PRPF6: variants seen among roughly 807,000 people sequenced by gnomAD.
PRPF6 encodes pre-mRNA-processing factor 6.
Under a neutral mutation model 118.3 loss-of-function variants are expected in PRPF6, and 42 were observed. That is an observed-to-expected ratio of 0.35 (90% CI 0.28 to 0.46). PRPF6 has a LOEUF of 0.46. PRPF6 is among the 20% of genes least tolerant of loss of function. The pLI is 1.00. For synonymous variants in PRPF6, 481 were observed against 485.1 expected (o/e 0.99, Z 0.11); for missense variants, 662 against 1,255.7 (o/e 0.53, Z 7.15).
chr20:63,994,244 G>T (rs1343166415), intron 4 of PRPF6, among the ~76,000 whole-genome samples: 3 of 146,420 alleles, frequency 2.0e-5, no homozygotes, highest in Non-Finnish European at 3.0e-5. Context: ...CGCAACCTCC[G>T]CCTCCCAGGT....
At position 63,983,497 on chromosome 20, in the gene PRPF6, C is replaced by T. The variant is rs2059080263; in HGVS notation, c.240+282C>T. On this transcript the variant is annotated intron_variant, in intron 2 of 20. Transcript: ENST00000266079. ...TTTTTTTTTGAGACGGAATTTCGCTCTTGTCGGAAGAGATGTTCTTGCAGG... is the reference window on the plus strand; with the variant it reads ...TTTTTTTTTGAGACGGAATTTCGCTTTTGTCGGAAGAGATGTTCTTGCAGG... 1.4e-5 allele frequency among the ~76,000 whole-genome samples: 2 copies of T among 140,436 alleles called. 1 individual carries two copies. Among genetic ancestry groups the T allele is most frequent in the Admixed American group, 1.4e-4 (2 of 13,854 alleles). 92.1% of individuals were successfully genotyped at this position (140,436 alleles called of 152,430 possible). A position where few individuals can be genotyped will look rare whatever the true frequency, so the allele number is the denominator to read the frequency against.
chr20:63,987,880 C>G (rs543574242), intron 3 of PRPF6, among the ~76,000 whole-genome samples: 3 of 151,790 alleles, frequency 2.0e-5, no homozygotes, highest in Admixed American at 2.0e-4. Context: ...GAAACCCTGT[C>G]ACTATTAAGA....
chr20:63,990,796 C>T (rs1231913980), intron 3 of PRPF6, among the ~76,000 whole-genome samples: 1 of 151,970 alleles, frequency 6.6e-6, no homozygotes, highest in Non-Finnish European at 1.5e-5. Flanking sequence ...AGGCATGCAC[C>T]GCCACGCCCG....
intron 9 of PRPF6, among the ~76,000 whole-genome samples, chr20:64,002,468 C>T (rs111932192): frequency 0.011 from 1,718 of 149,712 alleles, 39 homozygotes; most frequent in African/African-American, 0.04. Flanking sequence ...CCCGAGTAGC[C>T]GGGATTACAG....
intron 9 of PRPF6, among the ~76,000 whole-genome samples, chr20:64,002,750 C>A (rs1273196162): frequency 7.3e-5 from 11 of 150,522 alleles, no homozygotes; most frequent in Admixed American, 7.3e-4. Context: ...TTTAAGCAAT[C>A]CTCTTGCCTC....
In PRPF6 at chr20:64,011,743, C is replaced by A. The variant is rs1018785982; in HGVS notation, c.1524+240C>A. On this transcript the variant is annotated intron_variant, in intron 11 of 20. Transcript: ENST00000266079. The surrounding 1 kb of genome is among the most constrained non-coding windows in gnomAD (Gnocchi z 6.7). ...CAGAAGCCCTTTCAGTGTGTGCACA[C>A]CTGACTGCATTTCTTTGCTAGTAGA... is the stretch of plus-strand genomic sequence containing the variant. 6.6e-6 allele frequency among the ~76,000 whole-genome samples: 1 copy of A among 152,220 alleles called. No homozygotes were observed. Among genetic ancestry groups the A allele is most frequent in the Non-Finnish European group, 1.5e-5 (1 of 68,050 alleles).
chr20:63,990,248 A>G (rs2059112539), intron 3 of PRPF6, among the ~76,000 whole-genome samples: 1 of 152,196 alleles, frequency 6.6e-6, no homozygotes, highest in African/African-American at 2.4e-5. Context: ...TCAAGACTCA[A>G]GTGGCCTCCC....
At chr20:63,986,172 C>A (rs2059092233) in intron 3 of PRPF6, among the ~76,000 whole-genome samples, 1 of 151,878 alleles carries the variant, frequency 6.6e-6, no homozygotes, top group South Asian at 2.1e-4. Flanking sequence ...GAAACCCAGT[C>A]TCTACTAAAA....
At chr20:64,003,658 CG>C (rs1476720879) in intron 9 of PRPF6, among the ~76,000 whole-genome samples, 1 of 152,166 alleles carries the variant, frequency 6.6e-6, no homozygotes, top group Admixed American at 6.5e-5. Flanking sequence ...TGCAGTGGCA[CG>C]ACCTCGGCTC....
intron 3 of PRPF6, among the ~76,000 whole-genome samples, chr20:63,987,192 G>GC (rs967468572): frequency 1.4e-4 from 21 of 148,270 alleles, no homozygotes; most frequent in Non-Finnish European, 2.8e-4. Context: ...AAAAAAAAGG[G>GC]GGGGGGAGCA....
rs559569166 is a variant in PRPF6 at position 64,031,111 on chromosome 20, G to A, written c.2547-807G>A. ...AGGTGTGCATGTGTCTGGCAGGCAC[G>A]GCGGTGTGAATCCAGTGGCCTGAGG... On this transcript the variant is annotated intron_variant, in intron 19 of 20. Coordinates refer to ENST00000266079, the MANE Select transcript of PRPF6 (RefSeq NM_012469.4). Among the ~76,000 whole-genome samples the A allele has an allele frequency of 1.6e-4, 24 of 152,338 alleles. No homozygotes were observed. The South Asian group carries it at 2.5e-3, about 16-fold the overall frequency.
At chr20:64,014,356 G>A (rs1029796967) in intron 11 of PRPF6, among the ~76,000 whole-genome samples, 1 of 151,970 alleles carries the variant, frequency 6.6e-6, no homozygotes, top group African/African-American at 2.4e-5. Flanking sequence ...AATATCATAA[G>A]TCTAAAATGG....
chr20:64,002,014 G>GTTTTTTTTTTTTTTTTTTTTTTTT (rs386394238), intron 9 of PRPF6, among the ~76,000 whole-genome samples: 1 of 83,242 alleles, frequency 1.2e-5, no homozygotes, highest in Non-Finnish European at 2.1e-5. Flanking sequence ...TTTTTTTCTG[G>GTTTTTTTTTTTTTTTTTTTTTTTT]TTTTTTTTTT....
rs1490630564 is a variant in PRPF6, at chr20:63,994,941, A to C, written c.464A>C (p.Glu155Ala). The C allele has an allele frequency of 6.2e-7, 1 of 1,614,216 alleles. No homozygotes were observed. Among genetic ancestry groups the C allele is most frequent in the Admixed American group, 1.7e-5 (1 of 60,008 alleles). ...LKRKLAEVTE[E>A]EWLSIPEVGD... ...AGGAAGTTGGCAGAAGTCACAGAAGAAGAGTGGCTGAGCATCCCCGAGGTT... is the reference window on the plus strand; with the variant it reads ...AGGAAGTTGGCAGAAGTCACAGAAGCAGAGTGGCTGAGCATCCCCGAGGTT... Residue 155 changes from glutamate (E) to alanine (A), a missense_variant, in exon 5 of 21, where the codon GAA becomes GCA. By Grantham distance (107) the Glu-to-Ala change is moderately radical. Around this residue, in one of 10 missense-constraint regions of PRPF6, gnomAD observed 97 missense variants for 122.6 expected, o/e 0.79. Transcript: ENST00000266079.
At chr20:64,009,783 C>G (rs548757430) in intron 9 of PRPF6, among the ~76,000 whole-genome samples, 241 of 152,326 alleles carry the variant, frequency 1.6e-3, no homozygotes, top group African/African-American at 5.5e-3. Context: ...TCAATCAATC[C>G]ATACTATCCC....
Position 63,991,380 on chromosome 20 carries a change from C to G in PRPF6, c.360-2027C>G, listed in dbSNP as rs367811365. On this transcript the variant is annotated intron_variant, in intron 3 of 20. Transcript: ENST00000266079. ...GAGGCTACAGTGAGCTATGCTTATGCCACTGTGCTCCAGCCTGGGCAACAG... is the reference window on the plus strand; with the variant it reads ...GAGGCTACAGTGAGCTATGCTTATGGCACTGTGCTCCAGCCTGGGCAACAG... Among the ~76,000 whole-genome samples, 325 of 152,180 alleles carry G rather than the reference C, an allele frequency of 2.1e-3. 12 individuals carry two copies. The South Asian group carries it at 0.057, about 27-fold the overall frequency.
At chr20:64,005,073 G>A (rs1482832975) in intron 9 of PRPF6, among the ~76,000 whole-genome samples, 4 of 152,112 alleles carry the variant, frequency 2.6e-5, no homozygotes, top group African/African-American at 9.7e-5. Context: ...TCTGTTCTAG[G>A]CCAACTTCAG....
chr20:64,009,301 AAAGAG>A (rs2059204325), intron 9 of PRPF6, among the ~76,000 whole-genome samples: 2 of 151,706 alleles, frequency 1.3e-5, no homozygotes, highest in South Asian at 2.1e-4. Flanking sequence ...AAAAAAAAAA[AAAGAG>A]AGGTATTTCA....
rs1412251791 is a variant in PRPF6, at chr20:64,026,872, C to G, written c.2029-110C>G. The G allele has an allele frequency of 1.7e-6, 2 of 1,165,876 alleles. No individual in the cohort carries two copies. The highest frequency in any genetic ancestry group is 2.6e-6 in the Non-Finnish European group (2 of 780,828). 72.2% of individuals were successfully genotyped at this position (1,165,876 alleles called of 1,614,324 possible). On this transcript the variant is annotated intron_variant, in intron 15 of 20. Transcript: ENST00000266079. The surrounding 1 kb of genome is among the most constrained non-coding windows in gnomAD (Gnocchi z 4.4). ...GTGTACACAAACAGGCTATGAAAAGCTTACAAAAGTACACACAGTACTGCA... is the reference window on the plus strand; with the variant it reads ...GTGTACACAAACAGGCTATGAAAAGGTTACAAAAGTACACACAGTACTGCA...
Sources: gnomAD v4.1 joint callset for allele counts (sites outside exome capture counted in the v4.1 genomes callset) on GRCh38, gnomAD v4.1.1 for gene constraint, gnomAD v4.1.1 regional missense constraint, Gnocchi (gnomAD v3.1) non-coding constraint, MANE v1.5 for transcripts, NCBI Gene and HGNC (gene_info 2026-07-23, HGNC 2026-07-21) for gene names.